Variants in TSGA10 observed in about 807,000 individuals in gnomAD.
The protein encoded by TSGA10 is testis specific 10, also known as testis-specific gene 10 protein.
In TSGA10, 43 loss-of-function variants were observed where a neutral mutation model predicts 96.6. The observed-to-expected ratio is 0.44, with a 90% CI of 0.35 to 0.57. The LOEUF (loss-of-function observed/expected upper bound fraction) is 0.57. TSGA10 is among the 20% of genes least tolerant of loss of function. The pLI, the probability that TSGA10 is intolerant of heterozygous loss-of-function variation, is 0.01. For missense variants in TSGA10, 703 were observed against 834.4 expected (o/e 0.84, Z 1.94); for synonymous variants, 229 against 269.9 (o/e 0.85, Z 1.48).
At chr2:99,128,592 A>C (rs2092937636) in intron 1 of TSGA10, among the ~76,000 whole-genome samples, 1 of 152,226 alleles carries the variant, frequency 6.6e-6, no homozygotes, top group African/African-American at 2.4e-5. Context: ...TGGTTGGTAC[A>C]GAGACCACAT....
intron 1 of TSGA10, among the ~76,000 whole-genome samples, chr2:99,137,371 G>A (rs12992218): frequency 0.59 from 89,436 of 151,496 alleles, 27,295 homozygotes; most frequent in East Asian, 0.88. Flanking sequence ...ACAGAAATTC[G>A]GACTGAAGCC....
At chr2:99,091,478 T>G (rs1001462476) in intron 10 of TSGA10, among the ~76,000 whole-genome samples, 2 of 152,144 alleles carry the variant, frequency 1.3e-5, no homozygotes, top group Non-Finnish European at 2.9e-5. Context: ...TGAATGTAAA[T>G]GGCCTAAATG....
intron 4 of TSGA10, among the ~76,000 whole-genome samples, chr2:99,112,781 G>A (rs1241322364): frequency 1.3e-5 from 2 of 150,236 alleles, no homozygotes; most frequent in African/African-American, 4.9e-5. Context: ...GACAGGGAGT[G>A]TGTGCAGGGA....
chr2:99,080,824 A>T (rs1028699204), intron 11 of TSGA10, among the ~76,000 whole-genome samples: 3 of 152,154 alleles, frequency 2.0e-5, no homozygotes, highest in African/African-American at 7.2e-5. Flanking sequence ...AAGAAACTTT[A>T]AAAAAGTAAC....
At chr2:99,002,933 C>A (rs111775226) in intron 20 of TSGA10, among the ~76,000 whole-genome samples, 1 of 151,646 alleles carries the variant, frequency 6.6e-6, no homozygotes, top group African/African-American at 2.4e-5. Context: ...GATCTTGGCT[C>A]ACTGCAACCT....
chr2:99,095,424 A>T (rs976436757), intron 10 of TSGA10, among the ~76,000 whole-genome samples: 1 of 152,196 alleles, frequency 6.6e-6, no homozygotes, highest in African/African-American at 2.4e-5. Flanking sequence ...AATAAAAAAT[A>T]AAAGGTTCAT....
intron 10 of TSGA10, among the ~76,000 whole-genome samples, chr2:99,100,664 CAAAAAATT>C (rs2090589187): frequency 6.6e-6 from 1 of 151,182 alleles, no homozygotes; most frequent in Non-Finnish European, 1.5e-5. Context: ...ACTAAAAATA[CAAAAAATT>C]AGCCAGGCGC....
intron 7 of TSGA10, among the ~76,000 whole-genome samples, chr2:99,106,088 T>A (rs1342732121): frequency 6.6e-6 from 1 of 152,214 alleles, no homozygotes; most frequent in African/African-American, 2.4e-5. Context: ...TATAAATGCA[T>A]ATGCCATTCC....
chr2:99,001,329 C>T (rs1315702288), intron 20 of TSGA10, among the ~76,000 whole-genome samples: 4 of 152,118 alleles, frequency 2.6e-5, no homozygotes, highest in Admixed American at 6.6e-5. Flanking sequence ...CTGGTGATAC[C>T]GAGGCAAACA....
At position 99,035,291 on chromosome 2, in the gene TSGA10, A is replaced by G; in HGVS notation, c.1553T>C (p.Leu518Pro). 2 of 1,612,574 alleles carry G rather than the reference A, an allele frequency of 1.2e-6. No homozygotes were observed. The highest frequency in any genetic ancestry group is 1.7e-6 in the Non-Finnish European group (2 of 1,179,124). The change falls in exon 17 of 21, where the codon CTT becomes CCT. Residue 518 changes from leucine (L) to proline (P), a missense_variant. By Grantham distance (98) the Leu-to-Pro change is moderately conservative (BLOSUM62 -3). This residue lies in a region of TSGA10 where 585 missense variants were observed against 656.8 expected (regional missense o/e 0.89). Coordinates refer to ENST00000393483, the MANE Select transcript of TSGA10 (RefSeq NM_025244.4). The part of the protein sequence containing the change: ...LSSTRELCIK[L>P]DSSKELLNRQ... ...ATTAAGAAGTTCTTTGCTTGAGTCA[A>G]GTTTAATACAGAGTTCCCTAGTAGA...
At position 99,065,059 on chromosome 2, in the gene TSGA10, T is replaced by C; in HGVS notation, c.1284A>G (p.Glu428=). The part of the protein sequence containing the change: ...RKANEDAENW[E]NKARQSEADN... ...CTGCCTCTGATTGACGGGCTTTATT[T>C]TCCCAGTTTTCAGCATCTTCATTGG... The change falls in exon 16 of 21, where the codon GAA becomes GAG. Residue 428 remains glutamate (E), a synonymous_variant. Coordinates refer to ENST00000393483, the MANE Select transcript of TSGA10 (RefSeq NM_025244.4). 6.2e-7 allele frequency: 1 copy of C among 1,613,918 alleles called. No homozygotes were observed. Among genetic ancestry groups the C allele is most frequent in the Non-Finnish European group, 8.5e-7 (1 of 1,179,892 alleles).
intron 17 of TSGA10, 107 bp from the exon 18 acceptor site, chr2:99,020,589 A>G (rs2079906989): frequency 4.1e-6 from 3 of 732,356 alleles, no homozygotes; most frequent in African/African-American, 3.6e-5. Flanking sequence ...ACTGGCAACT[A>G]CTTTTAATGT....
In TSGA10 at chr2:99,081,353, C is replaced by T. The variant is rs374505296; in HGVS notation, c.656G>A (p.Arg219Gln). Residue 219 changes from arginine (R) to glutamine (Q), a missense_variant, in exon 11 of 21, where the codon CGA becomes CAA. Arg to Gln is a conservative substitution (Grantham distance 43). Around this residue, in one of 3 missense-constraint regions of TSGA10, gnomAD observed 585 missense variants for 656.8 expected, o/e 0.89. Transcript: ENST00000393483. The stretch of plus-strand genomic sequence containing the variant: ...CTCATATTTTTTCTTAGCAAGGTGT[C>T]GCTGAGTATCAGAAAGATCTTTTTC... ...NTEKDLSDTQ[R>Q]HLAKKKYELQ... 4 of 1,593,866 alleles carry T rather than the reference C, an allele frequency of 2.5e-6. No individual in the cohort carries two copies. Among genetic ancestry groups the T allele is most frequent in the African/African-American group, 2.7e-5 (2 of 74,268 alleles).
At chr2:99,083,001 A>G (rs12475034) in intron 10 of TSGA10, among the ~76,000 whole-genome samples, 33,924 of 151,912 alleles carry the variant, frequency 0.22, 4,009 homozygotes, top group Admixed American at 0.3. Context: ...TAAACTGGGG[A>G]AAAAAACAGA....
chr2:99,080,234 T>C lies in TSGA10; in HGVS notation c.727+1048A>G, dbSNP rs532074515. ...ACTTTTTTTTGGTGTTACCAAATCTTCCAATGTGCCAAATCCAATCAATAT... is the reference window on the plus strand; with the variant it reads ...ACTTTTTTTTGGTGTTACCAAATCTCCCAATGTGCCAAATCCAATCAATAT... On this transcript the variant is annotated intron_variant, in intron 11 of 20. Coordinates refer to ENST00000393483, the MANE Select transcript of TSGA10 (RefSeq NM_025244.4). Among the ~76,000 whole-genome samples the C allele has an allele frequency of 3.3e-5, 5 of 152,320 alleles. No homozygotes were observed. In the South Asian group the frequency reaches 1.0e-3, roughly 32 times the overall value.
rs2093733983 is a variant in TSGA10 at position 99,154,939 on chromosome 2, C to T, written c.-867G>A. 2.2e-6 allele frequency: 1 copy of T among 451,600 alleles called. No individual in the cohort carries two copies. Among genetic ancestry groups the T allele is most frequent in the African/African-American group, 2.0e-5 (1 of 49,938 alleles). The allele number at this position is 451,600 out of a possible 1,614,324, so 28.0% of individuals were successfully genotyped here. A position where few individuals can be genotyped will look rare whatever the true frequency, so the allele number is the denominator to read the frequency against. ...TTCTCTTGCGCTTCAGGGGGCCGGC[C>T]CTCAGGGGGCGGGGCAGCATCGCGC... On this transcript the variant is annotated 5_prime_UTR_variant, in exon 1 of 21. Coordinates refer to ENST00000393483, the MANE Select transcript of TSGA10 (RefSeq NM_025244.4).
At chr2:99,150,836 G>A in intron 1 of TSGA10, 1 of 1,574,352 alleles carries the variant, frequency 6.4e-7, no homozygotes, top group African/African-American at 1.4e-5. Flanking sequence ...GTGGAATGAA[G>A]CAATTTGTAC....
intron 16 of TSGA10, among the ~76,000 whole-genome samples, chr2:99,038,103 T>C (rs1016719198): frequency 1.3e-5 from 2 of 151,974 alleles, no homozygotes; most frequent in South Asian, 4.2e-4. Flanking sequence ...AGACAAATGC[T>C]GAGAGAAGTT....
intron 16 of TSGA10, among the ~76,000 whole-genome samples, chr2:99,046,158 G>C (rs1032074308): frequency 5.3e-5 from 8 of 152,266 alleles, no homozygotes; most frequent in Middle Eastern, 6.8e-3. Context: ...ACATTAGACA[G>C]ATCAGCGAGA....
Sources: gnomAD v4.1 joint callset for allele counts (sites outside exome capture counted in the v4.1 genomes callset) on GRCh38, gnomAD v4.1.1 for gene constraint, gnomAD v4.1.1 regional missense constraint, MANE v1.5 for transcripts, NCBI Gene and HGNC (gene_info 2026-07-23, HGNC 2026-07-21) for gene names.